CEP63: variants seen among roughly 807,000 people sequenced by gnomAD.
CEP63 encodes centrosomal protein 63.
Under a neutral mutation model 89.1 loss-of-function variants are expected in CEP63, and 84 were observed. The ratio of observed to expected loss-of-function variants is 0.94; its 90% CI spans 0.79 to 1.13. The LOEUF (loss-of-function observed/expected upper bound fraction) is 1.13, where lower values mean the gene tolerates loss of function less well. CEP63 is among the 50% of genes most tolerant of loss of function. CEP63 has a pLI of 0.00. For synonymous variants in CEP63, 267 were observed against 272.5 expected (o/e 0.98, Z 0.20); for missense variants, 838 against 813.3 (o/e 1.03, Z -0.37).
At chr3:134,556,355 A>C (rs193226208) in intron 12 of CEP63, among the ~76,000 whole-genome samples, 3 of 152,292 alleles carry the variant, frequency 2.0e-5, no homozygotes, top group South Asian at 4.1e-4. Flanking sequence ...AAATGGGAGA[A>C]AATTTTCGAA....
chr3:134,720,642 A>G, the CEP63 span, among the ~76,000 whole-genome samples: 1,296 of 152,068 alleles, frequency 8.5e-3, 15 homozygotes, highest in African/African-American at 0.03. Flanking sequence ...ATCCATTTTG[A>G]GTTAATTTTT....
intron 2 of CEP63, among the ~76,000 whole-genome samples, chr3:134,498,795 G>T (rs1416413363): frequency 6.6e-6 from 1 of 152,108 alleles, no homozygotes; most frequent in East Asian, 1.9e-4. Context: ...TTCTGTATCT[G>T]TTGAGATGAT....
At chr3:134,738,313 G>A in the CEP63 span, among the ~76,000 whole-genome samples, 1 of 149,172 alleles carries the variant, frequency 6.7e-6, no homozygotes, top group Non-Finnish European at 1.5e-5. Context: ...TCCATTTGTC[G>A]ATTGATGGGC....
the CEP63 span, among the ~76,000 whole-genome samples, chr3:134,746,385 T>C: frequency 6.6e-6 from 1 of 152,274 alleles, no homozygotes; most frequent in Non-Finnish European, 1.5e-5. Flanking sequence ...TAAACATAAG[T>C]GTGCATGTGT....
the CEP63 span, among the ~76,000 whole-genome samples, chr3:134,645,604 T>C: frequency 6.6e-6 from 1 of 152,236 alleles, no homozygotes; most frequent in South Asian, 2.1e-4. Flanking sequence ...CATGCAAACG[T>C]ACCATTTGAA....
chr3:134,755,376 G>A, the CEP63 span, among the ~76,000 whole-genome samples: 845 of 152,336 alleles, frequency 5.5e-3, 4 homozygotes, highest in Middle Eastern at 0.037. Context: ...CAGGTGATCA[G>A]CATCTCCGAT....
At chr3:134,616,866 G>C in the CEP63 span, among the ~76,000 whole-genome samples, 1 of 152,176 alleles carries the variant, frequency 6.6e-6, no homozygotes, top group African/African-American at 2.4e-5. Flanking sequence ...CCAAAATCGG[G>C]TTGGTAACCC....
the CEP63 span, among the ~76,000 whole-genome samples, chr3:134,719,535 C>A: frequency 6.6e-6 from 1 of 152,100 alleles, no homozygotes; most frequent in African/African-American, 2.4e-5. Flanking sequence ...TTAGTATGTG[C>A]ACATGGTTGT....
intron 1 of CEP63, among the ~76,000 whole-genome samples, chr3:134,494,180 A>T (rs1271915203): frequency 1.3e-5 from 2 of 151,184 alleles, no homozygotes; most frequent in East Asian, 3.9e-4. Context: ...CAATGGTGTG[A>T]TCTCGGATCA....
At chr3:134,541,356 A>G (rs1276713501) in intron 6 of CEP63, among the ~76,000 whole-genome samples, 1 of 152,068 alleles carries the variant, frequency 6.6e-6, no homozygotes, top group Non-Finnish European at 1.5e-5. Flanking sequence ...TTTTTAATAC[A>G]TTTTATCTAA....
At chr3:134,674,117 A>T in the CEP63 span, among the ~76,000 whole-genome samples, 17 of 152,232 alleles carry the variant, frequency 1.1e-4, no homozygotes, top group Non-Finnish European at 2.1e-4. Context: ...GGTGAGGTGT[A>T]CTGTCTTTCC....
the CEP63 span, among the ~76,000 whole-genome samples, chr3:134,704,841 G>T: frequency 1.3e-5 from 2 of 152,232 alleles, no homozygotes; most frequent in Admixed American, 1.3e-4. Context: ...GCTATGGCTT[G>T]TTGAAGAGGT....
At chr3:134,495,472 A>G (rs1423946345) in intron 2 of CEP63, 108 bp downstream of exon 2, 2 of 761,574 alleles carry the variant, frequency 2.6e-6, no homozygotes, top group Non-Finnish European at 4.7e-6. Context: ...ATGATCAAAT[A>G]AGGGTATTTA....
At chr3:134,599,227 A>C in the CEP63 span, among the ~76,000 whole-genome samples, 1 of 152,248 alleles carries the variant, frequency 6.6e-6, no homozygotes, top group South Asian at 2.1e-4. Flanking sequence ...CTAATAACTC[A>C]AGAGCTACTC....
At chr3:134,668,538 T>G in the CEP63 span, among the ~76,000 whole-genome samples, 1 of 152,012 alleles carries the variant, frequency 6.6e-6, no homozygotes, top group Non-Finnish European at 1.5e-5. Context: ...AACTAGGAGG[T>G]GGCATTATAA....
intron 3 of CEP63, among the ~76,000 whole-genome samples, chr3:134,512,109 T>C (rs958671172): frequency 6.6e-6 from 1 of 152,226 alleles, no homozygotes; most frequent in African/African-American, 2.4e-5. Flanking sequence ...TATCCATCTT[T>C]TGCTGAGAAA....
At chr3:134,695,152 G>T in the CEP63 span, among the ~76,000 whole-genome samples, 2 of 152,200 alleles carry the variant, frequency 1.3e-5, no homozygotes, top group East Asian at 3.8e-4. Context: ...GGAGGGACTG[G>T]GCTCTCTGTG....
chr3:134,486,350 G>T, intron 1 of CEP63, 148 bp downstream of exon 1: 3 of 985,634 alleles, frequency 3.0e-6, no homozygotes, highest in Non-Finnish European at 3.6e-6. Context: ...ATGGCTTGCG[G>T]CCGGTTTGCG....
At chr3:134,704,698 C>T in the CEP63 span, among the ~76,000 whole-genome samples, 1 of 152,210 alleles carries the variant, frequency 6.6e-6, no homozygotes, top group African/African-American at 2.4e-5. Flanking sequence ...GGGCAGTGCA[C>T]CTCTCTTGTG....
Sources: allele counts gnomAD v4.1 joint callset (sites outside exome capture counted in the v4.1 genomes callset), GRCh38; gene constraint gnomAD v4.1.1; transcripts MANE v1.5; gene names NCBI Gene and HGNC (gene_info 2026-07-23, HGNC 2026-07-21).